The following RABGAP1L variants were observed in gnomAD, a reference collection of about 807,000 sequenced individuals.
RABGAP1L encodes rab GTPase-activating protein 1-like.
In RABGAP1L, 63 loss-of-function variants were observed where a neutral mutation model predicts 137.7. That is an observed-to-expected ratio of 0.46 (90% CI 0.37 to 0.56). The LOEUF is 0.56. Among genes scored for constraint, RABGAP1L ranks in the 20% least tolerant of loss-of-function variants. RABGAP1L has a pLI of 0.00. For synonymous variants in RABGAP1L, 431 were observed against 433.7 expected (o/e 0.99, Z 0.08); for missense variants, 1,095 against 1,244.0 (o/e 0.88, Z 1.80).
Position 174,595,552 on chromosome 1 carries a change from G to A in RABGAP1L, c.1711-41823G>A, listed in dbSNP as rs1321831134. Among the ~76,000 whole-genome samples, 3 of 136,252 alleles carry A rather than the reference G, an allele frequency of 2.2e-5. No individual in the cohort carries two copies. The Admixed American group carries it at 2.3e-4, about 10-fold the overall frequency. 89.4% of individuals were successfully genotyped at this position (136,252 alleles called of 152,430 possible). A position where few individuals can be genotyped will look rare whatever the true frequency, so the allele number is the denominator to read the frequency against. On this transcript the variant is annotated intron_variant, in intron 13 of 25. Transcript: ENST00000681986. The stretch of plus-strand genomic sequence containing the variant: ...GTTTTCGGTGTAGATGTCCTTTCTG[G>A]TTGTTAGTTTTCCTTCTAACAGACA...
chr1:174,624,389 C>T (rs1557918420), intron 13 of RABGAP1L, among the ~76,000 whole-genome samples: 1 of 152,070 alleles, frequency 6.6e-6, no homozygotes, highest in African/African-American at 2.4e-5. Flanking sequence ...TATATCTTGT[C>T]TTTACAAGTT....
At chr1:174,884,128 C>T (rs1200081135) in intron 19 of RABGAP1L, among the ~76,000 whole-genome samples, 1 of 152,190 alleles carries the variant, frequency 6.6e-6, no homozygotes. Flanking sequence ...GCCATTTAAT[C>T]AGACTAACAC....
At chr1:174,561,125 C>CT (rs1208263705) in intron 13 of RABGAP1L, among the ~76,000 whole-genome samples, 1 of 152,128 alleles carries the variant, frequency 6.6e-6, no homozygotes, top group East Asian at 1.9e-4. Flanking sequence ...AACCCATTGT[C>CT]TCAGCCCAAA....
At chr1:174,800,511 T>C in intron 18 of RABGAP1L, 1 of 1,549,974 alleles carries the variant, frequency 6.5e-7, no homozygotes, top group Non-Finnish European at 8.7e-7. Context: ...GTGAGATTGT[T>C]TTTCATTGAA....
chr1:174,876,527 C>T (rs1161264095), intron 19 of RABGAP1L, among the ~76,000 whole-genome samples: 3 of 152,110 alleles, frequency 2.0e-5, no homozygotes, highest in African/African-American at 7.2e-5. Context: ...TGATTATGGG[C>T]AACTTTCAAA....
chr1:174,502,660 G>GTGTGTGTGTATATATACATATA (rs1348125653), intron 13 of RABGAP1L, among the ~76,000 whole-genome samples: 229 of 147,472 alleles, frequency 1.6e-3, no homozygotes, highest in Middle Eastern at 0.011. Flanking sequence ...ACATATATAT[G>GTGTGTGTGTATATATACATATA]TGTGTGTGTA....
chr1:174,716,900 A>G (rs1273983765), intron 17 of RABGAP1L, among the ~76,000 whole-genome samples: 2 of 152,150 alleles, frequency 1.3e-5, no homozygotes, highest in African/African-American at 4.8e-5. Flanking sequence ...TAGTTTGTTT[A>G]CTTACTTACT....
At position 174,961,156 on chromosome 1, in the gene RABGAP1L, A is replaced by C. The variant is rs114336691; in HGVS notation, c.2433+3607A>C. ...CTTGCACCTGACCAGGTTTGTGTAA[A>C]ATTCTTTGTCTACTCTAACATTTTG... is the stretch of plus-strand genomic sequence containing the variant. On this transcript the variant is annotated intron_variant, in intron 20 of 25. Coordinates refer to ENST00000681986, the MANE Select transcript of RABGAP1L (RefSeq NM_001366446.1). Among the ~76,000 whole-genome samples the C allele has an allele frequency of 1.0e-3, 153 of 152,254 alleles. 1 individual carries two copies. Among genetic ancestry groups the C allele is most frequent in the African/African-American group, 3.6e-3 (149 of 41,542 alleles).
chr1:174,895,596 C>T lies in RABGAP1L; in HGVS notation c.2341-61861C>T, dbSNP rs572223796. On this transcript the variant is annotated intron_variant, in intron 19 of 25. Coordinates refer to ENST00000681986, the MANE Select transcript of RABGAP1L (RefSeq NM_001366446.1). Reference sequence around the variant, plus strand: ...TCCTAATGCTATCCCTCCCCACTCCCCCCACCCCATGACGGGCCCCAGTAT... The same window carrying T: ...TCCTAATGCTATCCCTCCCCACTCCTCCCACCCCATGACGGGCCCCAGTAT... Among the ~76,000 whole-genome samples, 3 of 152,168 alleles carry T rather than the reference C, an allele frequency of 2.0e-5. No homozygotes were observed. The South Asian group carries it at 6.2e-4, about 32-fold the overall frequency.
intron 19 of RABGAP1L, among the ~76,000 whole-genome samples, chr1:174,854,049 T>C (rs141413916): frequency 1.8e-4 from 27 of 152,298 alleles, no homozygotes; most frequent in African/African-American, 6.3e-4. Flanking sequence ...GAATGAGACT[T>C]TGAGAAGTAT....
intron 18 of RABGAP1L, among the ~76,000 whole-genome samples, chr1:174,801,659 A>G (rs1688768664): frequency 6.6e-6 from 1 of 152,222 alleles, no homozygotes; most frequent in Non-Finnish European, 1.5e-5. Flanking sequence ...TTAAAGAAGA[A>G]ATAAAAAGAG....
intron 18 of RABGAP1L, among the ~76,000 whole-genome samples, chr1:174,769,256 T>C (rs1175239629): frequency 5.9e-5 from 9 of 151,874 alleles, no homozygotes; most frequent in South Asian, 2.1e-4. Context: ...TGCTGATTGG[T>C]TGGGGGCACA....
chr1:174,599,714 A>G (rs935494317), intron 13 of RABGAP1L, among the ~76,000 whole-genome samples: 1 of 151,564 alleles, frequency 6.6e-6, no homozygotes, highest in African/African-American at 2.4e-5. Context: ...GCTCCATTGT[A>G]TGTTATTTGT....
intron 13 of RABGAP1L, among the ~76,000 whole-genome samples, chr1:174,410,162 T>A (rs748120665): frequency 2.6e-5 from 4 of 152,182 alleles, no homozygotes; most frequent in Non-Finnish European, 5.9e-5. Context: ...GTGTCACCCC[T>A]GGAGGCCCAG....
intron 18 of RABGAP1L, among the ~76,000 whole-genome samples, chr1:174,767,264 T>A (rs1558058375): frequency 6.6e-6 from 1 of 152,142 alleles, no homozygotes; most frequent in African/African-American, 2.4e-5. Flanking sequence ...TCTTCAAATA[T>A]TTTACAGAGC....
intron 19 of RABGAP1L, chr1:174,945,610 C>G (rs991831948): frequency 1.3e-5 from 2 of 150,578 alleles, no homozygotes; most frequent in Non-Finnish European, 3.0e-5. Flanking sequence ...CTGAGAAAAA[C>G]AGATTTTAAA....
rs138595590 is a variant in RABGAP1L at position 174,260,208 on chromosome 1, G to C, written c.986+7618G>C. 6.8e-4 allele frequency among the ~76,000 whole-genome samples: 103 copies of C among 152,274 alleles called. 1 individual carries two copies. Among genetic ancestry groups the C allele is most frequent in the African/African-American group, 2.3e-3 (94 of 41,566 alleles). On this transcript the variant is annotated intron_variant, in intron 7 of 25. Coordinates refer to ENST00000681986, the MANE Select transcript of RABGAP1L (RefSeq NM_001366446.1). Reference sequence around the variant, plus strand: ...ACTTTGGTTACTTGGCCAGAAACTGGTAGAGCCAGGATTTAAACCAGGGTC... The same window carrying C: ...ACTTTGGTTACTTGGCCAGAAACTGCTAGAGCCAGGATTTAAACCAGGGTC...
intron 14 of RABGAP1L, among the ~76,000 whole-genome samples, chr1:174,666,401 T>G (rs1252940881): frequency 6.6e-6 from 1 of 152,224 alleles, no homozygotes; most frequent in African/African-American, 2.4e-5. Flanking sequence ...CTATTCAATC[T>G]GTACTGAAAA....
At chr1:174,416,617 G>T (rs554246145) in intron 13 of RABGAP1L, among the ~76,000 whole-genome samples, 98 of 152,128 alleles carry the variant, frequency 6.4e-4, no homozygotes, top group Admixed American at 1.7e-3. Flanking sequence ...CTAGTAGACA[G>T]CATTTGAGTG....
Sources: gnomAD v4.1 joint callset for allele counts (sites outside exome capture counted in the v4.1 genomes callset) on GRCh38, gnomAD v4.1.1 for gene constraint, MANE v1.5 for transcripts, NCBI Gene and HGNC (gene_info 2026-07-23, HGNC 2026-07-21) for gene names.